TRPM3: variants seen among roughly 807,000 people sequenced by gnomAD.
TRPM3 encodes the protein transient receptor potential cation channel subfamily M member 3, also known as long transient receptor potential channel 3.
A neutral mutation model predicts 181.2 loss-of-function variants in TRPM3; 77 were observed. The ratio of observed to expected loss-of-function variants is 0.42; its 90% CI spans 0.35 to 0.51. The LOEUF is 0.51. Ranked by LOEUF, TRPM3 falls within the 20% of genes least tolerant of loss-of-function variation. TRPM3 has a pLI of 0.01. For missense variants in TRPM3, 1,759 were observed against 2,196.7 expected (o/e 0.80, Z 3.98); for synonymous variants, 745 against 796.4 (o/e 0.94, Z 1.09).
chr9:70,620,281 T>G lies in TRPM3; in HGVS notation c.1924A>C (p.Asn642His), dbSNP rs777779213. ...TCATGGAAAGGGAAGGGGAAGTGGT[T>G]GATCTCAGGATCATCCAAGTCAATG... ...VDIDLDDPEI[N>H]HFPFPFHELM... The change falls in exon 16 of 26, where the codon AAC (asparagine) becomes CAC (histidine). Residue 642 changes from asparagine to histidine, a missense_variant. Around this residue, in one of 8 missense-constraint regions of TRPM3, gnomAD observed 737 missense variants for 957.4 expected, o/e 0.77. Transcript: ENST00000677713. 2 of 1,614,264 alleles carry G rather than the reference T, an allele frequency of 1.2e-6. No homozygotes were observed. Among genetic ancestry groups the G allele is most frequent in the Admixed American group, 3.3e-5 (2 of 60,034 alleles).
chr9:70,868,567 A>T (rs1406214130), intron 1 of TRPM3, among the ~76,000 whole-genome samples: 1 of 152,022 alleles, frequency 6.6e-6, no homozygotes, highest in African/African-American at 2.4e-5. Flanking sequence ...CAGCTATCGA[A>T]TCAAGTTCTC....
At chr9:71,307,257 T>A (rs1435882076) in intron 1 of TRPM3, among the ~76,000 whole-genome samples, 1 of 152,112 alleles carries the variant, frequency 6.6e-6, no homozygotes, top group African/African-American at 2.4e-5. Context: ...TGTATTTTTA[T>A]TTCCTTTTTC....
intron 1 of TRPM3, among the ~76,000 whole-genome samples, chr9:71,063,434 C>T (rs1241464263): frequency 1.3e-5 from 2 of 151,992 alleles, no homozygotes; most frequent in East Asian, 1.9e-4. Context: ...GATGTGTAAT[C>T]GCATGTTACA....
chr9:70,784,284 A>T lies in TRPM3; in HGVS notation c.974-5T>A. ...CAGGAACACCTTGACCGATTCCTGC[A>T]TTAAAAAAGGAAAAGAAAAGGAAAA... On this transcript the variant is annotated splice_region_variant and splice_polypyrimidine_tract_variant and intron_variant, in intron 6 of 25. Coordinates refer to ENST00000677713, the MANE Select transcript of TRPM3 (RefSeq NM_001366145.2). 21 of 1,574,086 alleles carry T rather than the reference A, an allele frequency of 1.3e-5. No individual in the cohort carries two copies. Among genetic ancestry groups the T allele is most frequent in the Non-Finnish European group, 1.7e-5 (20 of 1,157,940 alleles).
chr9:71,137,279 C>CCTT, intron 1 of TRPM3, among the ~76,000 whole-genome samples: 1 of 152,154 alleles, frequency 6.6e-6, no homozygotes, highest in South Asian at 2.1e-4. Flanking sequence ...ATTTTCATGA[C>CCTT]CTCAACCTAA....
At chr9:71,312,016 C>A (rs1370529786) in intron 1 of TRPM3, among the ~76,000 whole-genome samples, 6 of 152,022 alleles carry the variant, frequency 3.9e-5, no homozygotes, top group Admixed American at 3.9e-4. Flanking sequence ...TGGTGGTGAC[C>A]TTTTAGATTT....
intron 12 of TRPM3, among the ~76,000 whole-genome samples, chr9:70,633,913 C>CG (rs985095026): frequency 3.3e-5 from 5 of 152,014 alleles, no homozygotes; most frequent in African/African-American, 4.8e-5. Context: ...AGGTAAGGGG[C>CG]GGGGGCAGTG....
chr9:71,315,250 T>C (rs2088448475), intron 1 of TRPM3, among the ~76,000 whole-genome samples: 1 of 151,942 alleles, frequency 6.6e-6, no homozygotes, highest in South Asian at 2.1e-4. Flanking sequence ...CTACAGGGGG[T>C]GGGGTAAAAG....
At chr9:70,687,193 G>A (rs550820644) in intron 8 of TRPM3, among the ~76,000 whole-genome samples, 1 of 152,248 alleles carries the variant, frequency 6.6e-6, no homozygotes, top group South Asian at 2.1e-4. Context: ...TTCATGATGA[G>A]CACTTATAGA....
At chr9:71,073,696 T>C (rs781436943) in intron 1 of TRPM3, among the ~76,000 whole-genome samples, 1 of 152,194 alleles carries the variant, frequency 6.6e-6, no homozygotes, top group Non-Finnish European at 1.5e-5. Flanking sequence ...TGCGTAATAT[T>C]AAAGCACAGA....
intron 1 of TRPM3, among the ~76,000 whole-genome samples, chr9:71,022,774 A>G (rs2097857138): frequency 6.6e-6 from 1 of 152,222 alleles, no homozygotes; most frequent in South Asian, 2.1e-4. Flanking sequence ...ACCATGGCAC[A>G]TGTACACCTA....
intron 25 of TRPM3, among the ~76,000 whole-genome samples, chr9:70,548,870 T>TCTCTC (rs1324731600): frequency 6.8e-4 from 78 of 115,084 alleles, no homozygotes; most frequent in African/African-American, 2.2e-3. Context: ...CTCTCTCTCT[T>TCTCTC]TTTAATACGC....
At chr9:71,344,050 T>TA (rs1554880746) in intron 1 of TRPM3, among the ~76,000 whole-genome samples, 6 of 149,358 alleles carry the variant, frequency 4.0e-5, no homozygotes, top group East Asian at 2.0e-4. Flanking sequence ...TAGATTAGAT[T>TA]GATAGATAGA....
At chr9:71,084,792 T>C (rs1411328652) in intron 1 of TRPM3, among the ~76,000 whole-genome samples, 1 of 151,970 alleles carries the variant, frequency 6.6e-6, no homozygotes, top group Non-Finnish European at 1.5e-5. Flanking sequence ...ACAATTCATA[T>C]AGAACCAGAA....
intron 1 of TRPM3, among the ~76,000 whole-genome samples, chr9:70,948,255 C>A (rs548989754): frequency 2.7e-5 from 4 of 148,556 alleles, no homozygotes; most frequent in Non-Finnish European, 5.9e-5. Flanking sequence ...AAAGAAGCTT[C>A]TTCCTTAAGA....
chr9:71,244,874 C>G lies in TRPM3; in HGVS notation c.183+201779G>C, dbSNP rs1009596221. Among the ~76,000 whole-genome samples, 4 of 152,114 alleles carry G rather than the reference C, an allele frequency of 2.6e-5. No homozygotes were observed. In the South Asian group the frequency reaches 8.3e-4, roughly 32 times the overall value. On this transcript the variant is annotated intron_variant, in intron 1 of 24. Transcript: ENST00000357533. ...CTATACGGAATTTAGTTTAGTAGTA[C>G]AGAGAATGACTGGTTAATTCTTAGT... is the stretch of plus-strand genomic sequence containing the variant.
At chr9:70,612,257 T>TAACA (rs1013651223) in intron 18 of TRPM3, among the ~76,000 whole-genome samples, 8 of 152,238 alleles carry the variant, frequency 5.3e-5, no homozygotes, top group African/African-American at 1.7e-4. Flanking sequence ...AGTACTGTTC[T>TAACA]AACACAAAGC....
At chr9:70,644,894 A>C (rs573848345) in intron 9 of TRPM3, among the ~76,000 whole-genome samples, 2 of 152,330 alleles carry the variant, frequency 1.3e-5, no homozygotes, top group South Asian at 4.1e-4. Flanking sequence ...AAAAACCACA[A>C]GTATTTCTAT....
intron 2 of TRPM3, 24 bp downstream of exon 2, chr9:70,864,408 C>T (rs2132431543): frequency 2.1e-6 from 3 of 1,457,796 alleles, no homozygotes; most frequent in South Asian, 3.2e-5. Flanking sequence ...TTCATGTTCT[C>T]AACATTATAG....
Sources: allele counts gnomAD v4.1 joint callset (sites outside exome capture counted in the v4.1 genomes callset), GRCh38; gene constraint gnomAD v4.1.1; regional missense constraint gnomAD v4.1.1; transcripts MANE v1.5; gene names NCBI Gene and HGNC (gene_info 2026-07-23, HGNC 2026-07-21).